The following COL21A1 variants were observed in gnomAD, a reference collection of about 807,000 sequenced individuals.
The protein encoded by COL21A1 is collagen alpha-1(XXI) chain.
COL21A1 carries 149 observed loss-of-function variants against 137.9 expected under a neutral mutation model. The observed-to-expected ratio is 1.08, with a 90% CI of 0.95 to 1.24. COL21A1 has a LOEUF of 1.24. Among genes scored for constraint, COL21A1 ranks in the 50% most tolerant of loss-of-function variants. COL21A1 has a pLI of 0.00. For missense variants in COL21A1, 1,167 were observed against 1,158.4 expected, an observed-to-expected ratio of 1.01 and a Z score of -0.11; for synonymous variants, 456 against 391.5, an observed-to-expected ratio of 1.16 and a Z score of -1.95.
At chr6:56,264,210 C>T (rs1423579452) in intron 1 of COL21A1, among the ~76,000 whole-genome samples, 1 of 151,970 alleles carries the variant, frequency 6.6e-6, no homozygotes, top group Non-Finnish European at 1.5e-5. Context: ...CAAATAAATC[C>T]ACAAGAAAAG....
At chr6:56,115,232 C>T (rs1320819551) in intron 16 of COL21A1, among the ~76,000 whole-genome samples, 1 of 149,736 alleles carries the variant, frequency 6.7e-6, no homozygotes, top group Non-Finnish European at 1.5e-5. Context: ...CAGCATGGCA[C>T]ACGTATACAT....
intron 1 of COL21A1, among the ~76,000 whole-genome samples, chr6:56,220,223 T>G (rs997434808): frequency 3.9e-5 from 6 of 152,050 alleles, no homozygotes; most frequent in Admixed American, 2.0e-4. Flanking sequence ...TATGGAGAGA[T>G]AAATGGCAGG....
intron 1 of COL21A1, among the ~76,000 whole-genome samples, chr6:56,220,187 AG>A (rs1225775164): frequency 6.6e-6 from 1 of 152,140 alleles, no homozygotes; most frequent in African/African-American, 2.4e-5. Context: ...CTGGCATACA[AG>A]GAGTGCACAA....
intron 1 of COL21A1, among the ~76,000 whole-genome samples, chr6:56,352,539 G>C (rs1765732779): frequency 7.6e-6 from 1 of 132,224 alleles, no homozygotes; most frequent in Non-Finnish European, 1.6e-5. Context: ...ATGCAACTAA[G>C]GAAAAAAAAA....
chr6:56,201,351 T>C (rs1280294270), intron 1 of COL21A1, among the ~76,000 whole-genome samples: 3 of 152,232 alleles, frequency 2.0e-5, no homozygotes, highest in African/African-American at 7.2e-5. Context: ...GCCATTGCTT[T>C]TGGTGTTTTG....
chr6:56,261,444 C>G (rs1037884376), intron 1 of COL21A1, among the ~76,000 whole-genome samples: 1 of 152,096 alleles, frequency 6.6e-6, no homozygotes, highest in South Asian at 2.1e-4. Flanking sequence ...GATATTAGGT[C>G]GTAAGGGCAG....
At chr6:56,224,336 A>G (rs180672266) in intron 1 of COL21A1, among the ~76,000 whole-genome samples, 6 of 152,270 alleles carry the variant, frequency 3.9e-5, no homozygotes, top group African/African-American at 9.6e-5. Context: ...TTCTTGACAT[A>G]AAAATAGTAG....
chr6:56,118,843 T>C (rs952383115), intron 16 of COL21A1, among the ~76,000 whole-genome samples: 2 of 152,118 alleles, frequency 1.3e-5, no homozygotes, highest in African/African-American at 2.4e-5. Context: ...ATCATTTCAA[T>C]TGATGCTGAC....
intron 1 of COL21A1, among the ~76,000 whole-genome samples, chr6:56,290,253 T>C (rs1337523564): frequency 6.6e-6 from 1 of 152,052 alleles, no homozygotes; most frequent in African/African-American, 2.4e-5. Flanking sequence ...TTAGCACTAT[T>C]GATATTGTGG....
In COL21A1 at chr6:56,151,438, A is replaced by G. The variant is rs184016602; in HGVS notation, c.1434+5449T>C. On this transcript the variant is annotated intron_variant, in intron 10 of 29. Coordinates refer to ENST00000244728, the MANE Select transcript of COL21A1 (RefSeq NM_030820.4). ...GGCAGGATATATAAATATTTCCCCT[A>G]CCTCTTTTGTAATGTTAAAATTGTA... Among the ~76,000 whole-genome samples, 75 of 152,276 alleles carry G rather than the reference A, an allele frequency of 4.9e-4. 1 individual carries two copies. In the East Asian group the frequency reaches 0.012, roughly 24 times the overall value.
At chr6:56,318,760 C>G (rs1203049691) in intron 1 of COL21A1, among the ~76,000 whole-genome samples, 2 of 152,034 alleles carry the variant, frequency 1.3e-5, no homozygotes, top group African/African-American at 4.8e-5. Flanking sequence ...TAGATTATTC[C>G]CATCCAAAAT....
At chr6:56,189,123 G>A (rs936889480) in intron 1 of COL21A1, among the ~76,000 whole-genome samples, 2 of 151,986 alleles carry the variant, frequency 1.3e-5, no homozygotes, top group Non-Finnish European at 2.9e-5. Flanking sequence ...TGAATTTGAC[G>A]AATTGACAGA....
chr6:56,266,011 A>C (rs979581532), intron 1 of COL21A1, among the ~76,000 whole-genome samples: 1 of 152,258 alleles, frequency 6.6e-6, no homozygotes. Context: ...GCAGTTGTTA[A>C]AGCCTCTGTC....
At chr6:56,187,939 T>C (rs1258850662) in intron 1 of COL21A1, among the ~76,000 whole-genome samples, 14 of 151,818 alleles carry the variant, frequency 9.2e-5, no homozygotes, top group Admixed American at 9.2e-4. Flanking sequence ...ATATAGATAA[T>C]AAAAAGAAAA....
intron 17 of COL21A1, among the ~76,000 whole-genome samples, chr6:56,085,024 A>G (rs1440088186): frequency 1.3e-5 from 2 of 152,096 alleles, no homozygotes; most frequent in African/African-American, 4.8e-5. Flanking sequence ...GCTGTGTTTA[A>G]GGAGCACTTT....
intron 1 of COL21A1, among the ~76,000 whole-genome samples, chr6:56,360,754 C>T (rs1411071233): frequency 6.6e-6 from 1 of 152,094 alleles, no homozygotes; most frequent in Non-Finnish European, 1.5e-5. Flanking sequence ...AGCAACAACC[C>T]TCACCTTTTT....
At chr6:56,067,238 C>A (rs62406152) in intron 23 of COL21A1, 57 bp downstream of exon 23, 1 of 1,411,420 alleles carries the variant, frequency 7.1e-7, no homozygotes, top group Non-Finnish European at 9.8e-7. Flanking sequence ...AAAATAAGAA[C>A]TTTTTAAAAG....
intron 13 of COL21A1, 22 bp from the exon 14 acceptor site, chr6:56,125,642 G>A (rs1772994913): frequency 2.8e-6 from 4 of 1,434,314 alleles, no homozygotes; most frequent in South Asian, 1.4e-5. Flanking sequence ...AATATAAATA[G>A]TGAATATTTA....
rs181615784 is a variant in COL21A1, at chr6:56,144,230, G to A, written c.1435-2247C>T. Among the ~76,000 whole-genome samples, 758 of 152,172 alleles carry A rather than the reference G, an allele frequency of 5.0e-3. 8 individuals carry two copies. The highest frequency in any genetic ancestry group is 0.016 in the African/African-American group (671 of 41,508). Reference sequence around the variant, plus strand: ...CTTTTTTTCAGATGAGGAAATTAAGGCACAGAAGTTGAGTAACTTGCCCAA... The same window carrying A: ...CTTTTTTTCAGATGAGGAAATTAAGACACAGAAGTTGAGTAACTTGCCCAA... On this transcript the variant is annotated intron_variant, in intron 10 of 29. Transcript: ENST00000244728.
Sources: allele counts gnomAD v4.1 joint callset (sites outside exome capture counted in the v4.1 genomes callset), GRCh38; gene constraint gnomAD v4.1.1; transcripts MANE v1.5; gene names NCBI Gene and HGNC (gene_info 2026-07-23, HGNC 2026-07-21).